SNX6: variants seen among roughly 807,000 people sequenced by gnomAD.
SNX6 encodes sorting nexin-6.
A neutral mutation model predicts 63.0 loss-of-function variants in SNX6; 34 were observed. The observed-to-expected ratio is 0.54, with a 90% CI of 0.41 to 0.72. SNX6 has a LOEUF of 0.72. SNX6 is among the 30% of genes least tolerant of loss of function. SNX6 has a pLI of 0.00. For missense variants in SNX6, 398 were observed against 471.4 expected (o/e 0.84, Z 1.44); for synonymous variants, 170 against 164.2 (o/e 1.04, Z -0.27).
At chr14:34,577,146 G>C (rs61979692) in intron 10 of SNX6, among the ~76,000 whole-genome samples, 326 of 152,198 alleles carry the variant, frequency 2.1e-3, no homozygotes, top group Middle Eastern at 0.01. Context: ...ACAGTGGCAT[G>C]ATCTCAGCTC....
chr14:34,629,544 G>A (rs1348700601), intron 2 of SNX6: 12 of 538,052 alleles, frequency 2.2e-5, no homozygotes, highest in African/African-American at 3.8e-5. Flanking sequence ...CCGCTGGGAA[G>A]GTCCGAGAAT....
intron 7 of SNX6, among the ~76,000 whole-genome samples, chr14:34,593,953 T>C (rs1369108134): frequency 6.6e-6 from 1 of 152,112 alleles, no homozygotes; most frequent in Non-Finnish European, 1.5e-5. Flanking sequence ...TGACCTCAAG[T>C]GATCCGCGCG....
chr14:34,615,365 G>A (rs144017111), intron 2 of SNX6, among the ~76,000 whole-genome samples: 376 of 152,222 alleles, frequency 2.5e-3, no homozygotes, highest in African/African-American at 8.7e-3. Context: ...GGGACCACAG[G>A]TGTACACCAC....
At chr14:34,599,606 T>TAA (rs143732306) in intron 6 of SNX6, among the ~76,000 whole-genome samples, 8 of 123,452 alleles carry the variant, frequency 6.5e-5, no homozygotes, top group African/African-American at 1.2e-4. Context: ...AAACTCTGTC[T>TAA]AAAAAAAAAA....
chr14:34,578,937 CAAAAAAAAAAAAAAA>C lies in SNX6; in HGVS notation c.834+2609_834+2623del, dbSNP rs71121210. Among the ~76,000 whole-genome samples, 6 of 22,544 alleles carry C rather than the reference CAAAAAAAAAAAAAAA, an allele frequency of 2.7e-4. No individual in the cohort carries two copies. In the South Asian group the frequency reaches 0.014, roughly 52 times the overall value. The allele number at this position is 22,544 out of a possible 152,430, so 14.8% of individuals were successfully genotyped here. A position where few individuals can be genotyped will look rare whatever the true frequency, so the allele number is the denominator to read the frequency against. ...CTGGCGACAGAGCGAGACTTCATCT[CAAAAAAAAAAAAAAA>C]AAAAAAAAAAAAAAGGTTAAACTAA... On this transcript the variant is annotated intron_variant, in intron 10 of 13. Transcript: ENST00000362031.
chr14:34,571,481 G>A (rs1881450760), intron 11 of SNX6, among the ~76,000 whole-genome samples: 1 of 151,986 alleles, frequency 6.6e-6, no homozygotes, highest in South Asian at 2.1e-4. Context: ...AAACTTAAGC[G>A]CATGTAACTA....
In SNX6 at chr14:34,568,773, A is replaced by T. The variant is rs3209327; in HGVS notation, c.922-760T>A. ...CCTGACGTGTCAGTTTGCGGCCCCC[A>T]TCTTGGTCCTTTTCCACCATTTTTA... On this transcript the variant is annotated intron_variant, in intron 11 of 13. Transcript: ENST00000362031. The T allele has an allele frequency of 1.5e-5, 14 of 928,804 alleles. No homozygotes were observed. In the African/African-American group the frequency reaches 2.0e-4, roughly 13 times the overall value. The allele number at this position is 928,804 out of a possible 1,614,324, so 57.5% of individuals were successfully genotyped here.
At chr14:34,629,730 G>A in intron 2 of SNX6, 177 bp downstream of exon 2, 2 of 1,050,218 alleles carry the variant, frequency 1.9e-6, no homozygotes, top group South Asian at 1.5e-5. Context: ...GAGCCGAGCG[G>A]CCCCTAGGGA....
intron 10 of SNX6, among the ~76,000 whole-genome samples, chr14:34,581,093 C>G (rs1881915320): frequency 6.6e-6 from 1 of 152,168 alleles, no homozygotes; most frequent in Admixed American, 6.6e-5. Flanking sequence ...TAAACAGAAC[C>G]ATAGCAAGTT....
At position 34,630,144 on chromosome 14, in the gene SNX6, G is replaced by A. The variant is rs888599557; in HGVS notation, c.-28C>T. 17 of 1,304,804 alleles carry A rather than the reference G, an allele frequency of 1.3e-5. No homozygotes were observed. In the East Asian group the frequency reaches 3.1e-4, roughly 24 times the overall value. The allele number at this position is 1,304,804 out of a possible 1,614,324, so 80.8% of individuals were successfully genotyped here. A position where few individuals can be genotyped will look rare whatever the true frequency, so the allele number is the denominator to read the frequency against. On this transcript the variant is annotated 5_prime_UTR_variant, in exon 1 of 14. Coordinates refer to ENST00000362031, the MANE Select transcript of SNX6 (RefSeq NM_152233.4). ...CTGCTCCGAGGCGAGGGCCGGCGCA[G>A]GCGCGCATCTCCCTGCTGCCGGAGG...
chr14:34,615,920 A>G (rs753022617), intron 2 of SNX6, among the ~76,000 whole-genome samples: 2 of 152,140 alleles, frequency 1.3e-5, no homozygotes, highest in African/African-American at 2.4e-5. Flanking sequence ...TTCTAGATGC[A>G]TATTTTTTAT....
rs1882150811 is a variant in SNX6 at position 34,586,218 on chromosome 14, T to G, written c.794+12A>C. ...GCCCAGCCTATTTCACGTTTTAAATTAGAACACTTACTTGCATATATCTGT... is the reference window on the plus strand; with the variant it reads ...GCCCAGCCTATTTCACGTTTTAAATGAGAACACTTACTTGCATATATCTGT... On this transcript the variant is annotated intron_variant, in intron 9 of 13. Coordinates refer to ENST00000362031, the MANE Select transcript of SNX6 (RefSeq NM_152233.4). 1 of 1,569,142 alleles carries G rather than the reference T, an allele frequency of 6.4e-7. No individual in the cohort carries two copies. The highest frequency in any genetic ancestry group is 1.7e-5 in the Admixed American group (1 of 59,112).
At chr14:34,587,670 T>C (rs1042327555) in intron 8 of SNX6, among the ~76,000 whole-genome samples, 2 of 151,768 alleles carry the variant, frequency 1.3e-5, no homozygotes, top group African/African-American at 2.4e-5. Flanking sequence ...CTCACTCTGT[T>C]GCTCAGGCAT....
intron 2 of SNX6, among the ~76,000 whole-genome samples, chr14:34,610,713 C>T (rs1363201608): frequency 2.0e-5 from 3 of 151,980 alleles, no homozygotes; most frequent in Non-Finnish European, 4.4e-5. Context: ...AATTTTTAAA[C>T]TTCATCTGTT....
chr14:34,573,648 A>AT (rs1166899373), intron 11 of SNX6, among the ~76,000 whole-genome samples: 16 of 147,252 alleles, frequency 1.1e-4, no homozygotes, highest in Non-Finnish European at 2.1e-4. Flanking sequence ...TAATTAATTT[A>AT]TTTTTTTCGA....
At chr14:34,599,381 G>C (rs1882717450) in intron 6 of SNX6, among the ~76,000 whole-genome samples, 1 of 152,126 alleles carries the variant, frequency 6.6e-6, no homozygotes. Context: ...CAAGGCGGGT[G>C]AATCACCTGA....
intron 2 of SNX6, among the ~76,000 whole-genome samples, chr14:34,620,169 C>A (rs1883570255): frequency 6.6e-6 from 1 of 152,194 alleles, no homozygotes. Context: ...CTGCTCAGCT[C>A]CTCTTTTGAT....
chr14:34,565,401 A>T (rs1881132853), intron 13 of SNX6, among the ~76,000 whole-genome samples: 1 of 151,852 alleles, frequency 6.6e-6, no homozygotes, highest in South Asian at 2.1e-4. Flanking sequence ...TAAAGAAAAA[A>T]AAAACCCAAC....
chr14:34,605,768 C>T (rs1882992536), intron 4 of SNX6, 51 bp from the exon 5 acceptor site: 1 of 1,576,890 alleles, frequency 6.3e-7, no homozygotes, highest in African/African-American at 1.4e-5. Context: ...TTTCTTGAAG[C>T]ATTGTACTAC....
Sources: gnomAD v4.1 joint callset for allele counts (sites outside exome capture counted in the v4.1 genomes callset) on GRCh38, gnomAD v4.1.1 for gene constraint, MANE v1.5 for transcripts, NCBI Gene and HGNC (gene_info 2026-07-23, HGNC 2026-07-21) for gene names.